Variants in ADD2 observed in about 807,000 individuals in gnomAD.
The protein encoded by ADD2 is adducin 2.
Under a neutral mutation model 83.0 loss-of-function variants are expected in ADD2, and 23 were observed. The ratio of observed to expected loss-of-function variants is 0.28; its 90% confidence interval spans 0.20 to 0.39. The LOEUF (loss-of-function observed/expected upper bound fraction) is 0.39, where lower values mean the gene tolerates loss of function less well. Ranked by LOEUF, ADD2 falls within the 10% of genes least tolerant of loss-of-function variation. The probability of loss-of-function intolerance (pLI) is 1.00; values close to 1 mark genes in which losing one functional copy is unlikely to be tolerated. For missense variants in ADD2, 758 were observed against 944.9 expected (o/e 0.80, Z 2.59); for synonymous variants, 375 against 375.4 (o/e 1.00, Z 0.01).
In ADD2 at chr2:70,683,635, C is replaced by T; in HGVS notation, c.1081G>A (p.Gly361Arg). ...TFGPMQKSRLGEHEFEALMRM... is the reference protein window; with the variant it reads ...TFGPMQKSRLREHEFEALMRM... ...ATGAGGGCCTCAAACTCATGCTCCCCCAGCCGACTCTTCTGCATAGGCCCA... is the reference window on the plus strand; with the variant it reads ...ATGAGGGCCTCAAACTCATGCTCCCTCAGCCGACTCTTCTGCATAGGCCCA... Residue 361 changes from glycine (G) to arginine (R), a missense_variant, in exon 10 of 16, where the codon GGG becomes AGG. Physicochemically the swap from Gly to Arg is moderately radical, Grantham distance 125. Transcript: ENST00000264436. 6.2e-7 allele frequency: 1 copy of T among 1,614,052 alleles called. No individual in the cohort carries two copies. The highest frequency in any genetic ancestry group is 8.5e-7 in the Non-Finnish European group (1 of 1,179,920).
chr2:70,682,692 CA>C (rs1558528843), intron 10 of ADD2, among the ~76,000 whole-genome samples: 6 of 152,166 alleles, frequency 3.9e-5, no homozygotes, highest in African/African-American at 1.4e-4. Flanking sequence ...CTTGAATTGT[CA>C]CCTGTTTATA....
chr2:70,688,344 C>A (rs1191707079), intron 8 of ADD2, among the ~76,000 whole-genome samples: 3 of 152,238 alleles, frequency 2.0e-5, no homozygotes, highest in Non-Finnish European at 4.4e-5. Flanking sequence ...AAAACTGGGA[C>A]TAAATAGCTT....
chr2:70,718,051 C>T (rs3755362), intron 1 of ADD2, among the ~76,000 whole-genome samples: 8,132 of 152,236 alleles, frequency 0.053, 628 homozygotes, highest in African/African-American at 0.16. Context: ...GCTGCAGACC[C>T]CATAAGTACT....
At chr2:70,694,520 C>T (rs1671208911) in intron 6 of ADD2, among the ~76,000 whole-genome samples, 1 of 152,204 alleles carries the variant, frequency 6.6e-6, no homozygotes, top group Non-Finnish European at 1.5e-5. Context: ...CCTCCAGATA[C>T]TGAATACTTG....
intron 1 of ADD2, among the ~76,000 whole-genome samples, chr2:70,730,312 C>T (rs1411746167): frequency 6.6e-6 from 1 of 152,220 alleles, no homozygotes; most frequent in African/African-American, 2.4e-5. Context: ...CGGGCCTCTG[C>T]ACACAGAGGT....
intron 8 of ADD2, among the ~76,000 whole-genome samples, chr2:70,689,736 C>T (rs1487671529): frequency 2.6e-5 from 4 of 152,198 alleles, no homozygotes; most frequent in Non-Finnish European, 5.9e-5. Flanking sequence ...CAAGACTAGC[C>T]TCCGTGGCTG....
At chr2:70,762,608 T>C (rs1391362906) in intron 1 of ADD2, among the ~76,000 whole-genome samples, 2 of 149,672 alleles carry the variant, frequency 1.3e-5, no homozygotes, top group East Asian at 3.9e-4. Context: ...AATTACATAA[T>C]TATATATCAA....
chr2:70,767,319 G>A (rs1426900584), intron 1 of ADD2: 1 of 152,814 alleles, frequency 6.5e-6, no homozygotes, highest in Non-Finnish European at 1.5e-5. Flanking sequence ...AAACCCACGA[G>A]GCCCGCTCAC....
chr2:70,709,654 A>T (rs1173718446), intron 2 of ADD2, among the ~76,000 whole-genome samples: 2 of 152,212 alleles, frequency 1.3e-5, no homozygotes, highest in Non-Finnish European at 2.9e-5. Flanking sequence ...TCTATGATTT[A>T]TCTGAGTTGG....
intron 1 of ADD2, among the ~76,000 whole-genome samples, chr2:70,740,617 G>T (rs1673834035): frequency 7.1e-6 from 1 of 141,624 alleles, no homozygotes; most frequent in Non-Finnish European, 1.5e-5. Flanking sequence ...TTGTTGTCTT[G>T]TTTTTTGTGG....
intron 1 of ADD2, among the ~76,000 whole-genome samples, chr2:70,766,809 C>G (rs1675406457): frequency 6.6e-6 from 1 of 152,178 alleles, no homozygotes; most frequent in Admixed American, 6.5e-5. Flanking sequence ...TAAAGCTCAT[C>G]TGAGTCAGTT....
intron 1 of ADD2, among the ~76,000 whole-genome samples, chr2:70,756,815 C>T (rs1194951447): frequency 6.6e-6 from 1 of 151,996 alleles, no homozygotes; most frequent in Non-Finnish European, 1.5e-5. Flanking sequence ...TAAGCTTCAA[C>T]CTTGAGGGTT....
At chr2:70,754,779 C>G (rs1169288238) in intron 1 of ADD2, among the ~76,000 whole-genome samples, 2 of 152,204 alleles carry the variant, frequency 1.3e-5, no homozygotes, top group Non-Finnish European at 2.9e-5. Context: ...AAGATCACCA[C>G]TTTCAATGTG....
chr2:70,717,016 C>G (rs1462157228), intron 1 of ADD2, among the ~76,000 whole-genome samples: 3 of 152,128 alleles, frequency 2.0e-5, no homozygotes, highest in Non-Finnish European at 4.4e-5. Context: ...ATGTTCAGCC[C>G]TGCTCTCTTC....
rs35087942 is a variant in ADD2 at position 70,683,022 on chromosome 2, CTTTTTTTTT to C, written c.1125+560_1125+568del. 3.3e-3 allele frequency among the ~76,000 whole-genome samples: 416 copies of C among 124,520 alleles called. 4 individuals are homozygous for C. Among genetic ancestry groups the C allele is most frequent in the African/African-American group, 0.011 (375 of 32,746 alleles). 81.7% of individuals were successfully genotyped at this position (124,520 alleles called of 152,430 possible). On this transcript the variant is annotated intron_variant, in intron 10 of 15. Coordinates refer to ENST00000264436, the MANE Select transcript of ADD2 (RefSeq NM_001617.4). ...GTCCCAGTTTTTACTGGAGTATGAC[CTTTTTTTTT>C]TTTTTTTTTGAGACAGAGTCTCACT... is the stretch of plus-strand genomic sequence containing the variant.
chr2:70,735,758 G>A (rs3771415), intron 1 of ADD2, among the ~76,000 whole-genome samples: 50,301 of 146,828 alleles, frequency 0.34, 8,622 homozygotes, highest in Middle Eastern at 0.42. Context: ...GTTTCACTCC[G>A]TCGCCCAGGC....
rs999187698 is a variant in ADD2, at chr2:70,765,061, A to C, written c.-154+2825T>G. ...AAAGTTCCTTTCTGGTCTCGGAATC[A>C]AGAACTGTTGGTTGGGCAAAGTGGC... is the stretch of plus-strand genomic sequence containing the variant. On this transcript the variant is annotated intron_variant, in intron 1 of 15. Transcript: ENST00000264436. Among the ~76,000 whole-genome samples, 16 of 151,978 alleles carry C rather than the reference A, an allele frequency of 1.1e-4. 1 individual carries two copies. The highest frequency in any genetic ancestry group is 3.4e-4 in the African/African-American group (14 of 41,264).
At position 70,678,752 on chromosome 2, in the gene ADD2, C is replaced by CT; in HGVS notation, c.1334_1335insA (p.Ala446GlyfsTer3). On this transcript the variant is annotated frameshift_variant, in exon 11 of 16. Coordinates refer to ENST00000264436, the MANE Select transcript of ADD2 (RefSeq NM_001617.4). LOFTEE classifies it high-confidence loss of function. ...CCATGCTCCTCTGGACCTCATCGGC[C>CT]ACATTGACCCGCAGGTAGGTGTTGG... 6.2e-7 allele frequency: 1 copy of CT among 1,605,514 alleles called. No homozygotes were observed. The highest frequency in any genetic ancestry group is 8.5e-7 in the Non-Finnish European group (1 of 1,175,202).
At chr2:70,680,513 TGGAA>T (rs1670403850) in intron 10 of ADD2, among the ~76,000 whole-genome samples, 1 of 152,238 alleles carries the variant, frequency 6.6e-6, no homozygotes, top group South Asian at 2.1e-4. Flanking sequence ...GAATTTCACA[TGGAA>T]GGATATTTTG....
Sources: allele counts gnomAD v4.1 joint callset (sites outside exome capture counted in the v4.1 genomes callset), GRCh38; gene constraint gnomAD v4.1.1; transcripts MANE v1.5; gene names NCBI Gene and HGNC (gene_info 2026-07-23, HGNC 2026-07-21).